Variants in PSPC1 observed in about 807,000 individuals in gnomAD.
PSPC1 encodes paraspeckle component 1, also known as paraspeckle protein 1.
A neutral mutation model predicts 51.6 loss-of-function variants in PSPC1; 14 were observed. That is an observed-to-expected ratio of 0.27 (90% CI 0.18 to 0.42). The LOEUF (loss-of-function observed/expected upper bound fraction) is 0.42, where lower values mean the gene tolerates loss of function less well. Ranked by LOEUF, PSPC1 falls within the 10% of genes least tolerant of loss-of-function variation. PSPC1 has a pLI of 1.00. For missense variants in PSPC1, 406 were observed against 701.1 expected (o/e 0.58, Z 4.75); for synonymous variants, 193 against 231.9 (o/e 0.83, Z 1.53).
chr13:19,764,393 C>T (rs1413237537), intron 2 of PSPC1, among the ~76,000 whole-genome samples: 4 of 152,042 alleles, frequency 2.6e-5, no homozygotes, highest in African/African-American at 9.7e-5. Flanking sequence ...AACTGGTATA[C>T]ATCTGGGGTT....
At chr13:19,777,582 C>T (rs1889299438) in intron 1 of PSPC1, among the ~76,000 whole-genome samples, 1 of 151,990 alleles carries the variant, frequency 6.6e-6, no homozygotes, top group East Asian at 1.9e-4. Context: ...TTCCATATTT[C>T]ATTATTATTA....
intron 6 of PSPC1, among the ~76,000 whole-genome samples, chr13:19,694,116 CCA>C (rs202049760): frequency 0.54 from 46,628 of 86,018 alleles, 16,433 homozygotes; most frequent in East Asian, 0.82. Flanking sequence ...GAGCGAGACT[CCA>C]TCTCAAAAAA....
intron 6 of PSPC1, among the ~76,000 whole-genome samples, chr13:19,715,280 C>A (rs1407041915): frequency 6.6e-6 from 1 of 152,116 alleles, no homozygotes; most frequent in East Asian, 1.9e-4. Context: ...AGTCAGTTTT[C>A]TTTCATGAAA....
chr13:19,720,665 T>C (rs533674947), intron 6 of PSPC1, among the ~76,000 whole-genome samples: 5 of 152,168 alleles, frequency 3.3e-5, no homozygotes, highest in Non-Finnish European at 7.4e-5. Flanking sequence ...CAAACTACTG[T>C]AACAATCATA....
intron 6 of PSPC1, among the ~76,000 whole-genome samples, chr13:19,710,861 A>G: frequency 6.6e-6 from 1 of 151,242 alleles, no homozygotes; most frequent in Non-Finnish European, 1.5e-5. Flanking sequence ...TTTTTCCCAG[A>G]GATCCTCGCT....
intron 3 of PSPC1, among the ~76,000 whole-genome samples, chr13:19,758,941 T>C (rs192956191): frequency 3.3e-5 from 5 of 152,002 alleles, no homozygotes; most frequent in African/African-American, 9.6e-5. Context: ...GCCCCAGTTA[T>C]AAAAGTAGAC....
At chr13:19,728,439 A>ACACACACACACAC (rs1883624659) in intron 6 of PSPC1, among the ~76,000 whole-genome samples, 1 of 144,344 alleles carries the variant, frequency 6.9e-6, no homozygotes, top group Non-Finnish European at 1.5e-5. Context: ...TCAAAGCTTA[A>ACACACACACACAC]ACACACACAC....
At chr13:19,717,680 T>C (rs1167479797) in intron 6 of PSPC1, among the ~76,000 whole-genome samples, 2 of 126,794 alleles carry the variant, frequency 1.6e-5, no homozygotes, top group Non-Finnish European at 3.2e-5. Flanking sequence ...CTCTCTAGCC[T>C]GGGCAACAGA....
chr13:19,750,095 A>G (rs1441260413), intron 4 of PSPC1, among the ~76,000 whole-genome samples: 2 of 152,200 alleles, frequency 1.3e-5, no homozygotes, highest in South Asian at 4.1e-4. Flanking sequence ...ACCCAAAAGG[A>G]TTTAGAGAAG....
At chr13:19,749,262 T>C (rs1593701679) in intron 4 of PSPC1, among the ~76,000 whole-genome samples, 1 of 152,022 alleles carries the variant, frequency 6.6e-6, no homozygotes, top group East Asian at 1.9e-4. Context: ...GCAGGAGGAT[T>C]ACTTGAACCC....
At chr13:19,778,980 G>C (rs1335359489) in intron 1 of PSPC1, among the ~76,000 whole-genome samples, 2 of 142,148 alleles carry the variant, frequency 1.4e-5, no homozygotes, top group Admixed American at 7.1e-5. Flanking sequence ...GTCTCTGCCC[G>C]GCCGCCCATC....
At chr13:19,676,370 G>A (rs1876635589) in intron 7 of PSPC1, among the ~76,000 whole-genome samples, 1 of 152,188 alleles carries the variant, frequency 6.6e-6, no homozygotes, top group African/African-American at 2.4e-5. Flanking sequence ...AGATGGCGAT[G>A]CTGCTGGTCT....
At chr13:19,779,890 G>T (rs1273678739) in intron 1 of PSPC1, among the ~76,000 whole-genome samples, 1 of 119,584 alleles carries the variant, frequency 8.4e-6, no homozygotes, top group Non-Finnish European at 1.8e-5. Flanking sequence ...CCGGCCAGCC[G>T]CCCCGTCCGG....
intron 1 of PSPC1, among the ~76,000 whole-genome samples, chr13:19,780,118 C>T (rs1173515650): frequency 2.0e-5 from 1 of 49,404 alleles, no homozygotes; most frequent in African/African-American, 4.5e-5. Flanking sequence ...CGGCCAGCCG[C>T]CCCGTCCGGG....
chr13:19,732,754 C>T (rs1355647667), intron 5 of PSPC1, among the ~76,000 whole-genome samples: 1 of 152,004 alleles, frequency 6.6e-6, no homozygotes, highest in Admixed American at 6.6e-5. Flanking sequence ...TGGTAAAACC[C>T]TGTCTCTACT....
intron 7 of PSPC1, 78 bp from the exon 8 acceptor site, chr13:19,705,909 T>A: frequency 7.9e-7 from 1 of 1,263,550 alleles, no homozygotes; most frequent in Non-Finnish European, 1.1e-6. Flanking sequence ...ATTTATGCAA[T>A]CTATATACCA....
rs141953106 is a variant in PSPC1, at chr13:19,682,135, T to A, written c.1159-4312A>T. ...AGGTCAAACTAATTTTGATGTAATATAACCTCAATAGATGAACAAATTATT... is the reference window on the plus strand; with the variant it reads ...AGGTCAAACTAATTTTGATGTAATAAAACCTCAATAGATGAACAAATTATT... On this transcript the variant is annotated intron_variant and NMD_transcript_variant, in intron 6 of 7. Coordinates refer to the PSPC1 transcript ENST00000471658. 2.0e-5 allele frequency among the ~76,000 whole-genome samples: 3 copies of A among 152,328 alleles called. No individual in the cohort carries two copies. The East Asian group carries it at 5.8e-4, about 29-fold the overall frequency.
intron 3 of PSPC1, among the ~76,000 whole-genome samples, chr13:19,758,388 A>C (rs1887297532): frequency 6.6e-6 from 1 of 152,186 alleles, no homozygotes; most frequent in Non-Finnish European, 1.5e-5. Context: ...AGGGAAAATA[A>C]ACATACATTT....
rs748524016 is a variant in PSPC1 at position 19,782,726 on chromosome 13, C to T, written c.32G>A (p.Arg11His). 1 of 1,567,914 alleles carries T rather than the reference C, an allele frequency of 6.4e-7. No individual in the cohort carries two copies. Among genetic ancestry groups the T allele is most frequent in the Non-Finnish European group, 8.6e-7 (1 of 1,168,874 alleles). The change falls in exon 1 of 9, where the codon CGC becomes CAC. Residue 11 changes from arginine (R) to histidine (H), a missense_variant. Physicochemically the swap from Arg to His is conservative, Grantham distance 29 (BLOSUM62 0). Around this residue, in one of 5 missense-constraint regions of PSPC1, gnomAD observed 128 missense variants for 107.1 expected, o/e 1.20. Coordinates refer to ENST00000338910, the MANE Select transcript of PSPC1 (RefSeq NM_001354909.2). This position sits in a 1 kb window ranked among gnomAD's most constrained non-coding sequence, Gnocchi z 4.5. MMLRGNLKQV[R>H]IEKNPARLRA... Reference sequence around the variant, plus strand: ...AAGGCGGGCCGGGTTTTTCTCAATGCGCACTTGCTTCAGGTTTCCTCTTAA... The same window carrying T: ...AAGGCGGGCCGGGTTTTTCTCAATGTGCACTTGCTTCAGGTTTCCTCTTAA...
Sources: allele counts gnomAD v4.1 joint callset (sites outside exome capture counted in the v4.1 genomes callset), GRCh38; gene constraint gnomAD v4.1.1; regional missense constraint gnomAD v4.1.1; non-coding constraint Gnocchi (gnomAD v3.1); transcripts MANE v1.5; gene names NCBI Gene and HGNC (gene_info 2026-07-23, HGNC 2026-07-21).